PXDNL: variants seen among roughly 807,000 people sequenced by gnomAD.
PXDNL encodes the protein probable oxidoreductase PXDNL.
In PXDNL, 145 loss-of-function variants were observed where a neutral mutation model predicts 150.8. The ratio of observed to expected loss-of-function variants is 0.96; its 90% confidence interval spans 0.84 to 1.10. The LOEUF is 1.10. Ranked by LOEUF, PXDNL falls within the 50% of genes least tolerant of loss-of-function variation. The pLI is 0.00. For synonymous variants in PXDNL, 757 were observed against 725.7 expected (o/e 1.04, Z -0.69); for missense variants, 2,087 against 1,873.9 (o/e 1.11, Z -2.10).
intron 21 of PXDNL, among the ~76,000 whole-genome samples, chr8:51,322,239 A>G (rs1172654386): frequency 1.3e-5 from 2 of 152,202 alleles, no homozygotes; most frequent in Non-Finnish European, 2.9e-5. Context: ...GCAGACTAAT[A>G]TATGATATAT....
chr8:51,706,866 C>T (rs1816389835), intron 1 of PXDNL, among the ~76,000 whole-genome samples: 1 of 152,170 alleles, frequency 6.6e-6, no homozygotes, highest in Non-Finnish European at 1.5e-5. Context: ...ATCAAACAGA[C>T]GTCAACCTTT....
intron 21 of PXDNL, among the ~76,000 whole-genome samples, chr8:51,326,659 G>A (rs1040791204): frequency 2.6e-5 from 4 of 152,094 alleles, no homozygotes; most frequent in African/African-American, 9.7e-5. Flanking sequence ...AATCAAAAGT[G>A]TAGCCTTCTC....
intron 1 of PXDNL, among the ~76,000 whole-genome samples, chr8:51,689,965 G>T (rs1815955934): frequency 6.6e-6 from 1 of 152,152 alleles, no homozygotes; most frequent in Non-Finnish European, 1.5e-5. Context: ...AGCTAGTGGA[G>T]AAAGTCTAAT....
At chr8:51,565,321 A>AATAAATAAATAAATAG (rs569762504) in intron 3 of PXDNL, among the ~76,000 whole-genome samples, 178 of 135,590 alleles carry the variant, frequency 1.3e-3, no homozygotes, top group Middle Eastern at 3.6e-3. Flanking sequence ...TAAATAAATA[A>AATAAATAAATAAATAG]ATAGATAGAT....
intron 2 of PXDNL, among the ~76,000 whole-genome samples, chr8:51,636,318 A>G (rs538524979): frequency 6.6e-6 from 1 of 152,296 alleles, no homozygotes; most frequent in South Asian, 2.1e-4. Flanking sequence ...CATCACTACT[A>G]TTTAACGCTA....
intron 3 of PXDNL, among the ~76,000 whole-genome samples, chr8:51,590,851 A>G (rs1280049766): frequency 5.9e-5 from 9 of 152,222 alleles, no homozygotes; most frequent in Non-Finnish European, 1.2e-4. Context: ...TTGTGCTAAA[A>G]TAAGTCAAGA....
At chr8:51,677,671 T>C (rs1031275877) in intron 1 of PXDNL, among the ~76,000 whole-genome samples, 1 of 152,242 alleles carries the variant, frequency 6.6e-6, no homozygotes, top group East Asian at 1.9e-4. Context: ...AAATGGCTTT[T>C]ACTTAGGAAA....
chr8:51,620,331 A>G (rs1814224749), intron 2 of PXDNL, among the ~76,000 whole-genome samples: 1 of 152,164 alleles, frequency 6.6e-6, no homozygotes. Flanking sequence ...AAAAATCTCA[A>G]TATGTGAGAT....
At chr8:51,644,363 CATATGTATATAT>C (rs1419286904) in intron 2 of PXDNL, among the ~76,000 whole-genome samples, 1 of 60,032 alleles carries the variant, frequency 1.7e-5, no homozygotes, top group African/African-American at 4.3e-5. Context: ...CACACACACA[CATATGTATATAT>C]ATACACACAC....
intron 1 of PXDNL, among the ~76,000 whole-genome samples, chr8:51,752,720 C>T (rs916593489): frequency 6.6e-6 from 1 of 152,124 alleles, no homozygotes; most frequent in Non-Finnish European, 1.5e-5. Flanking sequence ...ACTGTTCATG[C>T]CTTTAGTGAT....
At chr8:51,702,712 C>T (rs1281024310) in intron 1 of PXDNL, among the ~76,000 whole-genome samples, 1 of 152,078 alleles carries the variant, frequency 6.6e-6, no homozygotes, top group Non-Finnish European at 1.5e-5. Context: ...ATAACATCAC[C>T]GACTTCAAGA....
At chr8:51,749,014 T>C (rs1266795621) in intron 1 of PXDNL, among the ~76,000 whole-genome samples, 2 of 152,210 alleles carry the variant, frequency 1.3e-5, no homozygotes, top group African/African-American at 2.4e-5. Flanking sequence ...GTAAGTATGA[T>C]AGGATAAATT....
chr8:51,405,008 A>G (rs914346849), intron 17 of PXDNL, among the ~76,000 whole-genome samples: 13 of 152,166 alleles, frequency 8.5e-5, no homozygotes, highest in African/African-American at 3.1e-4. Flanking sequence ...ATTCGAGCTC[A>G]GCACCGGGAC....
chr8:51,665,049 G>A (rs1815353053), intron 1 of PXDNL, among the ~76,000 whole-genome samples: 1 of 152,322 alleles, frequency 6.6e-6, no homozygotes, highest in South Asian at 2.1e-4. Context: ...TGCCCTGCCA[G>A]CTGCACCATC....
chr8:51,368,526 G>GA (rs961573343), intron 19 of PXDNL, among the ~76,000 whole-genome samples: 207 of 145,980 alleles, frequency 1.4e-3, no homozygotes, highest in African/African-American at 4.5e-3. Flanking sequence ...AACAAAAAAT[G>GA]AAAAAAAAAA....
intron 2 of PXDNL, among the ~76,000 whole-genome samples, chr8:51,652,048 A>G (rs1219611668): frequency 1.3e-5 from 2 of 152,194 alleles, no homozygotes; most frequent in African/African-American, 2.4e-5. Flanking sequence ...TTTACAATAT[A>G]GAAGCAATGT....
chr8:51,402,847 G>A (rs908109430), intron 17 of PXDNL, among the ~76,000 whole-genome samples: 2 of 151,938 alleles, frequency 1.3e-5, no homozygotes, highest in Admixed American at 1.3e-4. Context: ...TGGATCACGA[G>A]GTCAGGAGAT....
Position 51,531,283 on chromosome 8 carries a change from C to G in PXDNL, c.380+25557G>C, listed in dbSNP as rs1025778830. Among the ~76,000 whole-genome samples the G allele has an allele frequency of 2.8e-4, 42 of 152,340 alleles. 1 individual carries two copies. The highest frequency in any genetic ancestry group is 9.4e-4 in the African/African-American group (39 of 41,576). On this transcript the variant is annotated intron_variant, in intron 4 of 22. Transcript: ENST00000356297. ...ATCAGGATGTGCCATGCATTGTAGA[C>G]CAGTGATGACTGTGTCCTTCAAAAT...
At chr8:51,686,590 G>A (rs570508952) in intron 1 of PXDNL, among the ~76,000 whole-genome samples, 8 of 152,116 alleles carry the variant, frequency 5.3e-5, no homozygotes, top group Non-Finnish European at 1.2e-4. Context: ...TTTTATAATC[G>A]TGTTGCTTTA....
Sources: gnomAD v4.1 joint callset for allele counts (sites outside exome capture counted in the v4.1 genomes callset) on GRCh38, gnomAD v4.1.1 for gene constraint, MANE v1.5 for transcripts, NCBI Gene and HGNC (gene_info 2026-07-23, HGNC 2026-07-21) for gene names.